Variants in PLGRKT observed in about 807,000 individuals in gnomAD.
PLGRKT encodes plasminogen receptor with a C-terminal lysine, also known as plasminogen receptor (KT).
PLGRKT carries 22 observed loss-of-function variants against 18.5 expected under a neutral mutation model. The ratio of observed to expected loss-of-function variants is 1.19; its 90% CI spans 0.85 to 1.70. The LOEUF is 1.70. PLGRKT is among the 40% of genes most tolerant of loss of function. The pLI, the probability that PLGRKT is intolerant of heterozygous loss-of-function variation, is 0.00. For synonymous variants in PLGRKT, 72 were observed against 52.8 expected, an observed-to-expected ratio of 1.36 and a Z score of -1.58; for missense variants, 235 against 174.4, an observed-to-expected ratio of 1.35 and a Z score of -1.96.
Position 5,368,234 on chromosome 9 carries a change from T to A in PLGRKT, c.82-6346A>T, listed in dbSNP as rs564042290. 9.2e-5 allele frequency among the ~76,000 whole-genome samples: 14 copies of A among 152,336 alleles called. No individual in the cohort carries two copies. In the East Asian group the frequency reaches 2.7e-3, roughly 29 times the overall value. On this transcript the variant is annotated intron_variant, in intron 3 of 5. Transcript: ENST00000223864. ...GACCCAGCAATCCCATTACTGGGTA[T>A]ATATCCAAAAGAAAATAAATAATTT...
At chr9:5,365,125 AT>A (rs1192309157) in intron 3 of PLGRKT, among the ~76,000 whole-genome samples, 4 of 147,752 alleles carry the variant, frequency 2.7e-5, no homozygotes, top group Non-Finnish European at 4.5e-5. Flanking sequence ...CCAAAAAAAA[AT>A]AAATAAATAA....
chr9:5,393,604 T>A (rs1358414630), intron 3 of PLGRKT, among the ~76,000 whole-genome samples: 2 of 151,870 alleles, frequency 1.3e-5, no homozygotes, highest in African/African-American at 4.9e-5. Context: ...ACAATCTTAT[T>A]TTTTTTCTTA....
At chr9:5,392,709 A>G (rs1817972857) in intron 3 of PLGRKT, 1 of 151,976 alleles carries the variant, frequency 6.6e-6, no homozygotes, top group Admixed American at 6.6e-5. Flanking sequence ...ATAAGAGAAT[A>G]CATAAAATGT....
At chr9:5,412,965 T>C (rs1006125506) in intron 3 of PLGRKT, among the ~76,000 whole-genome samples, 12 of 152,044 alleles carry the variant, frequency 7.9e-5, no homozygotes, top group African/African-American at 1.7e-4. Context: ...GATATATAAA[T>C]GGCCCTCAAA....
At chr9:5,362,407 A>T (rs1024067258) in intron 3 of PLGRKT, among the ~76,000 whole-genome samples, 3 of 152,172 alleles carry the variant, frequency 2.0e-5, no homozygotes, top group Admixed American at 1.3e-4. Context: ...TTCTCGCCTC[A>T]AGTTCTTCAC....
intron 3 of PLGRKT, among the ~76,000 whole-genome samples, chr9:5,383,686 T>C (rs1382480317): frequency 6.6e-6 from 1 of 152,134 alleles, no homozygotes; most frequent in Non-Finnish European, 1.5e-5. Flanking sequence ...GCAACCTACA[T>C]CCCTCACATG....
rs758230469 is a variant in PLGRKT at position 5,358,211 on chromosome 9, C to G, written c.*28G>C. 1.0e-5 allele frequency: 16 copies of G among 1,575,978 alleles called. No individual in the cohort carries two copies. The African/African-American group carries it at 2.0e-4, about 20-fold the overall frequency. Reference sequence around the variant, plus strand: ...CATGATTCAAGTCAATAATTCTGTGCTTTGAGATTTGATTGGTAAGCATGA... The same window carrying G: ...CATGATTCAAGTCAATAATTCTGTGGTTTGAGATTTGATTGGTAAGCATGA... On this transcript the variant is annotated 3_prime_UTR_variant, in exon 6 of 6. Transcript: ENST00000223864.
intron 3 of PLGRKT, among the ~76,000 whole-genome samples, chr9:5,363,495 AC>A (rs1817314186): frequency 6.6e-6 from 1 of 152,032 alleles, no homozygotes; most frequent in Non-Finnish European, 1.5e-5. Flanking sequence ...TGATGTGAGA[AC>A]CTTGCAGACT....
intron 3 of PLGRKT, among the ~76,000 whole-genome samples, chr9:5,406,460 G>C (rs1258926949): frequency 6.6e-6 from 1 of 152,144 alleles, no homozygotes. Flanking sequence ...TCCTTTGCAG[G>C]GCAATGGATG....
chr9:5,416,923 A>T (rs1043663749), intron 3 of PLGRKT, among the ~76,000 whole-genome samples: 3 of 152,228 alleles, frequency 2.0e-5, no homozygotes, highest in Non-Finnish European at 4.4e-5. Flanking sequence ...AGGAAATATT[A>T]AAAGTATTTT....
At chr9:5,427,701 T>C (rs1001388121) in intron 3 of PLGRKT, among the ~76,000 whole-genome samples, 21 of 152,190 alleles carry the variant, frequency 1.4e-4, no homozygotes, top group African/African-American at 5.1e-4. Flanking sequence ...AAGACTACCG[T>C]TGTTTGCAAG....
intron 3 of PLGRKT, among the ~76,000 whole-genome samples, chr9:5,373,360 C>G (rs901176978): frequency 2.6e-5 from 4 of 152,168 alleles, no homozygotes; most frequent in African/African-American, 9.7e-5. Flanking sequence ...TGGGAGAAAC[C>G]ATGACGTCCA....
rs756257335 is a variant in PLGRKT, at chr9:5,367,026, C to CACAT, written c.82-5142_82-5139dup. On this transcript the variant is annotated intron_variant, in intron 3 of 5. Transcript: ENST00000223864. ...TTTACAACAGACAGACAGATACACA[C>CACAT]ACATACACACACACACACACACACA... Among the ~76,000 whole-genome samples the CACAT allele has an allele frequency of 1.1e-4, 10 of 94,472 alleles. No homozygotes were observed. The East Asian group carries it at 3.0e-3, about 28-fold the overall frequency. 62.0% of individuals were successfully genotyped at this position (94,472 alleles called of 152,430 possible).
At chr9:5,374,963 G>A (rs921053669) in intron 3 of PLGRKT, among the ~76,000 whole-genome samples, 17 of 152,056 alleles carry the variant, frequency 1.1e-4, no homozygotes, top group African/African-American at 3.4e-4. Flanking sequence ...GCTTGACCCA[G>A]TTACAACCAG....
chr9:5,426,537 T>C (rs915317775), intron 3 of PLGRKT, among the ~76,000 whole-genome samples: 7 of 152,186 alleles, frequency 4.6e-5, no homozygotes, highest in African/African-American at 7.2e-5. Flanking sequence ...ACCATGTGGG[T>C]CTATATTCCC....
chr9:5,361,276 T>C (rs1386251449), intron 4 of PLGRKT, 89 bp from the exon 5 acceptor site: 14 of 682,414 alleles, frequency 2.1e-5, no homozygotes, highest in Non-Finnish European at 3.5e-5. Context: ...ATACCTGCTT[T>C]TTGGAAGAAT....
chr9:5,360,990 T>A, intron 5 of PLGRKT, 88 bp downstream of exon 5: 2 of 731,188 alleles, frequency 2.7e-6, no homozygotes, highest in Non-Finnish European at 4.8e-6. Context: ...CTTGTCAGAA[T>A]CTTTATAAGT....
At chr9:5,376,624 C>T (rs1817632936) in intron 3 of PLGRKT, among the ~76,000 whole-genome samples, 1 of 152,084 alleles carries the variant, frequency 6.6e-6, no homozygotes, top group African/African-American at 2.4e-5. Context: ...CTGTTTTTCT[C>T]CTTTTCCTCC....
chr9:5,433,832 A>G lies in PLGRKT; in HGVS notation c.-6-1849T>C, dbSNP rs1285624835. 6.0e-5 allele frequency among the ~76,000 whole-genome samples: 6 copies of G among 100,518 alleles called. No homozygotes were observed. The East Asian group carries it at 1.2e-3, about 20-fold the overall frequency. 65.9% of individuals were successfully genotyped at this position (100,518 alleles called of 152,430 possible). A position where few individuals can be genotyped will look rare whatever the true frequency, so the allele number is the denominator to read the frequency against. On this transcript the variant is annotated intron_variant, in intron 2 of 5. Transcript: ENST00000223864. ...GGGAAGTGAGGAGCGTCTCTGCCTG[A>G]GCGCCCATCATCTGGGATGTGAGGA...
Sources: gnomAD v4.1 joint callset for allele counts (sites outside exome capture counted in the v4.1 genomes callset) on GRCh38, gnomAD v4.1.1 for gene constraint, MANE v1.5 for transcripts, NCBI Gene and HGNC (gene_info 2026-07-23, HGNC 2026-07-21) for gene names.